ARK2C: variants seen among roughly 807,000 people sequenced by gnomAD.
ARK2C encodes arkadia (RNF111) C-terminal like ring finger ubiquitin ligase 2C.
chr18:46,430,737 A>C, the ARK2C span, among the ~76,000 whole-genome samples: 1 of 152,014 alleles, frequency 6.6e-6, no homozygotes, highest in Non-Finnish European at 1.5e-5. Flanking sequence ...GTACATTTCT[A>C]ATTTCCAAGA....
the ARK2C span, among the ~76,000 whole-genome samples, chr18:46,383,712 G>A: frequency 2.0e-5 from 3 of 152,034 alleles, no homozygotes; most frequent in East Asian, 1.9e-4. Flanking sequence ...CCACCACCGC[G>A]CCCGGCTAAT....
the ARK2C span, among the ~76,000 whole-genome samples, chr18:46,431,547 C>T: frequency 1.3e-5 from 2 of 152,124 alleles, no homozygotes; most frequent in East Asian, 1.9e-4. Flanking sequence ...GAGGGGCACA[C>T]GCTTAGGTAA....
At chr18:46,396,917 C>A in the ARK2C span, among the ~76,000 whole-genome samples, 2 of 152,234 alleles carry the variant, frequency 1.3e-5, no homozygotes, top group Non-Finnish European at 2.9e-5. Flanking sequence ...TCAGTCACAT[C>A]CAGCTGTGCC....
the ARK2C span, chr18:46,435,381 C>A: frequency 6.2e-7 from 1 of 1,613,644 alleles, no homozygotes; most frequent in Non-Finnish European, 8.5e-7. Context: ...AGGTATTTGG[C>A]TGAGGGCACT....
the ARK2C span, among the ~76,000 whole-genome samples, chr18:46,420,994 A>G: frequency 6.8e-6 from 1 of 147,448 alleles, no homozygotes; most frequent in African/African-American, 2.7e-5. Flanking sequence ...AAGCCACCCA[A>G]TGCCATCCAC....
At chr18:46,452,179 AT>A in the ARK2C span, among the ~76,000 whole-genome samples, 1 of 152,242 alleles carries the variant, frequency 6.6e-6, no homozygotes, top group East Asian at 1.9e-4. Context: ...ATACTGGTTC[AT>A]TGATTGTAAC....
the ARK2C span, among the ~76,000 whole-genome samples, chr18:46,394,587 C>T: frequency 6.6e-6 from 1 of 152,244 alleles, no homozygotes; most frequent in Non-Finnish European, 1.5e-5. Context: ...GGGGAAGTCT[C>T]TGCTGAGGCC....
the ARK2C span, among the ~76,000 whole-genome samples, chr18:46,392,614 G>A: frequency 6.6e-6 from 1 of 152,174 alleles, no homozygotes; most frequent in African/African-American, 2.4e-5. Flanking sequence ...TGATGGGTCA[G>A]TTCATGGGGA....
the ARK2C span, among the ~76,000 whole-genome samples, chr18:46,451,498 A>G: frequency 1.3e-5 from 2 of 152,220 alleles, no homozygotes; most frequent in South Asian, 4.1e-4. Context: ...TTATTCTGCA[A>G]TAAAAAGAAA....
the ARK2C span, among the ~76,000 whole-genome samples, chr18:46,339,902 TTAAA>T: frequency 6.6e-6 from 1 of 152,372 alleles, no homozygotes; most frequent in East Asian, 1.9e-4. Context: ...CTTCCCATCT[TTAAA>T]TAAGTATCCT....
At chr18:46,386,162 T>A in the ARK2C span, 3 of 152,290 alleles carry the variant, frequency 2.0e-5, no homozygotes, top group African/African-American at 7.2e-5. Context: ...GCTACCTACA[T>A]GCCAGGGTTT....
the ARK2C span, among the ~76,000 whole-genome samples, chr18:46,399,380 C>T: frequency 3.3e-5 from 5 of 152,286 alleles, no homozygotes; most frequent in African/African-American, 1.2e-4. Flanking sequence ...CATCATGTGT[C>T]CCCCGCCCCC....
chr18:46,401,327 A>C, the ARK2C span, among the ~76,000 whole-genome samples: 1 of 151,486 alleles, frequency 6.6e-6, no homozygotes, highest in African/African-American at 2.4e-5. Context: ...GCTTCACCCC[A>C]CCCCCTATTT....
chr18:46,433,538 G>C, the ARK2C span: 11 of 1,552,528 alleles, frequency 7.1e-6, no homozygotes, highest in Middle Eastern at 7.7e-4. Context: ...GTGGGGACCC[G>C]GATGGGGTCG....
chr18:46,459,057 G>T, the ARK2C span: 3 of 152,258 alleles, frequency 2.0e-5, no homozygotes, highest in African/African-American at 7.2e-5. Flanking sequence ...TGAAAACCAA[G>T]AATTCATCGG....
At chr18:46,381,144 C>T in the ARK2C span, among the ~76,000 whole-genome samples, 13 of 152,218 alleles carry the variant, frequency 8.5e-5, no homozygotes, top group East Asian at 7.7e-4. Context: ...GAGACGGCAA[C>T]GCTGTTCTGA....
chr18:46,421,365 A>ATCAT, the ARK2C span, among the ~76,000 whole-genome samples: 15,936 of 151,656 alleles, frequency 0.11, 1,432 homozygotes, highest in East Asian at 0.49. Context: ...CCTGTTCGTG[A>ATCAT]TCATTCATTC....
the ARK2C span, among the ~76,000 whole-genome samples, chr18:46,441,935 C>CGGGCG: frequency 6.6e-6 from 1 of 150,684 alleles, no homozygotes; most frequent in East Asian, 2.0e-4. Context: ...GAGGCCGAGA[C>CGGGCG]GGGCGGATCA....
At chr18:46,448,146 A>T in the ARK2C span, among the ~76,000 whole-genome samples, 1 of 79,434 alleles carries the variant, frequency 1.3e-5, no homozygotes, top group African/African-American at 5.1e-5. Context: ...TTGTGTATCA[A>T]CCCCCATGCC....
Sources: gnomAD v4.1 joint callset for allele counts (sites outside exome capture counted in the v4.1 genomes callset) on GRCh38, gnomAD v4.1.1 for gene constraint, MANE v1.5 for transcripts, NCBI Gene and HGNC (gene_info 2026-07-23, HGNC 2026-07-21) for gene names.